PCDHA6: variants seen among roughly 807,000 people sequenced by gnomAD.
PCDHA6 encodes the protein protocadherin alpha 6, also known as protocadherin alpha-6.
Under a neutral mutation model 60.3 loss-of-function variants are expected in PCDHA6, and 55 were observed. The observed-to-expected ratio is 0.91, with a 90% CI of 0.73 to 1.14. The LOEUF is 1.14. PCDHA6 is among the 50% of genes most tolerant of loss of function. PCDHA6 has a pLI of 0.00. For missense variants in PCDHA6, 1,327 were observed against 1,256.5 expected (o/e 1.06, Z -0.85); for synonymous variants, 652 against 557.9 (o/e 1.17, Z -2.38).
Position 140,882,272 on chromosome 5 carries a change from C to G in PCDHA6, c.2394+51787C>G, listed in dbSNP as rs782377951. On this transcript the variant is annotated intron_variant, in intron 1 of 3. Transcript: ENST00000529310. ...TCTGAGGTTTTTGGAGTGTACCATG[C>G]TGTCTTCCTGGCAAGGAGGCCCAAG... The G allele has an allele frequency of 5.0e-6, 8 of 1,611,430 alleles. No individual in the cohort carries two copies. The highest frequency in any genetic ancestry group is 6.8e-6 in the Non-Finnish European group (8 of 1,178,456).
At chr5:140,916,472 G>A (rs2077581791) in intron 1 of PCDHA6, among the ~76,000 whole-genome samples, 1 of 152,192 alleles carries the variant, frequency 6.6e-6, no homozygotes, top group Non-Finnish European at 1.5e-5. Context: ...TGGTTATTTG[G>A]TGCCCAAGGG....
chr5:140,848,513 A>T, intron 1 of PCDHA6: 2 of 1,590,760 alleles, frequency 1.3e-6, no homozygotes, highest in Non-Finnish European at 1.7e-6. Context: ...ACTCAAGTCG[A>T]GGAGATCCAG....
rs2150327556 is a variant in PCDHA6, at chr5:140,842,022, A to G, written c.2394+11537A>G. On this transcript the variant is annotated intron_variant, in intron 1 of 3. Transcript: ENST00000529310. Reference sequence around the variant, plus strand: ...GTTCAGCTGCTGGTCACAGTGCTGGATGTGAATGATAATGCTCCCACTTTC... The same window carrying G: ...GTTCAGCTGCTGGTCACAGTGCTGGGTGTGAATGATAATGCTCCCACTTTC... 11 of 1,613,848 alleles carry G rather than the reference A, an allele frequency of 6.8e-6. No homozygotes were observed. The highest frequency in any genetic ancestry group is 3.3e-5 in the Admixed American group (2 of 60,004).
At chr5:140,886,555 C>T (rs1441725788) in intron 1 of PCDHA6, among the ~76,000 whole-genome samples, 3 of 151,830 alleles carry the variant, frequency 2.0e-5, no homozygotes, top group Non-Finnish European at 4.4e-5. Context: ...CAGCTGGGCA[C>T]GGTGGCTCAC....
At position 140,841,259 on chromosome 5, in the gene PCDHA6, G is replaced by T. The variant is rs1777115854; in HGVS notation, c.2394+10774G>T. 3.3e-6 allele frequency: 5 copies of T among 1,517,592 alleles called. No homozygotes were observed. In the South Asian group the frequency reaches 6.6e-5, roughly 20 times the overall value. 94.0% of individuals were successfully genotyped at this position (1,517,592 alleles called of 1,614,324 possible). ...CAGCGGAATTGGATTAAAAGACTCT[G>T]AAAGTACAGTCGTTCATCTTTATAT... On this transcript the variant is annotated intron_variant, in intron 1 of 3. Transcript: ENST00000529310.
intron 1 of PCDHA6, chr5:140,864,163 C>T (rs2048345363): frequency 6.6e-6 from 1 of 152,054 alleles, no homozygotes; most frequent in South Asian, 2.1e-4. Context: ...TTAAATCTTA[C>T]CGGAAGGATC....
chr5:140,882,046 TACTTAC>T lies in PCDHA6; in HGVS notation c.2394+51570_2394+51575del, dbSNP rs2058922100. The T allele has an allele frequency of 1.6e-5, 12 of 728,060 alleles. No homozygotes were observed. In the South Asian group the frequency reaches 2.5e-4, roughly 15 times the overall value. 45.1% of individuals were successfully genotyped at this position (728,060 alleles called of 1,614,324 possible). ...AATGGAAAATATGAAGACTGAGTCA[TACTTAC>T]ACTTACACGTTCATGCGCATGGTGT... is the stretch of plus-strand genomic sequence containing the variant. On this transcript the variant is annotated intron_variant, in intron 1 of 3. Coordinates refer to ENST00000529310, the MANE Select transcript of PCDHA6 (RefSeq NM_018909.4).
At chr5:140,900,713 G>A (rs1367112592) in intron 1 of PCDHA6, among the ~76,000 whole-genome samples, 1 of 152,194 alleles carries the variant, frequency 6.6e-6, no homozygotes, top group Non-Finnish European at 1.5e-5. Context: ...TGGAAAGAAA[G>A]GAAATCCTAC....
chr5:140,849,773 C>A (rs1554143291), intron 1 of PCDHA6: 12 of 1,598,418 alleles, frequency 7.5e-6, no homozygotes, highest in Non-Finnish European at 1.0e-5. Flanking sequence ...TGGTGGTTAC[C>A]GCGCGGGACG....
chr5:141,000,389 CTCTCTCTATATATA>C (rs1429861640), intron 3 of PCDHA6, among the ~76,000 whole-genome samples: 15 of 62,586 alleles, frequency 2.4e-4, no homozygotes, highest in African/African-American at 9.8e-4. Flanking sequence ...CTCTCTCTCT[CTCTCTCTATATATA>C]TATATATATA....
rs369670852 is a variant in PCDHA6, at chr5:140,928,571, C to G, written c.2395-50378C>G. 1.9e-5 allele frequency: 30 copies of G among 1,614,180 alleles called. 1 individual carries two copies. The African/African-American group carries it at 1.9e-4, about 10-fold the overall frequency. On this transcript the variant is annotated intron_variant, in intron 1 of 3. Transcript: ENST00000529310. ...TATCCGGTTATCTTGTTTCCCTTGC[C>G]CAGAAATGGTTCTGTCCCAGTGGAA...
At chr5:140,950,751 T>G (rs1051693960) in intron 1 of PCDHA6, among the ~76,000 whole-genome samples, 3 of 152,154 alleles carry the variant, frequency 2.0e-5, no homozygotes, top group African/African-American at 7.2e-5. Flanking sequence ...CTCTCTATCC[T>G]TTCTGGACTC....
At chr5:141,008,557 T>G (rs1394611167) in intron 3 of PCDHA6, among the ~76,000 whole-genome samples, 3 of 152,218 alleles carry the variant, frequency 2.0e-5, no homozygotes, top group African/African-American at 7.2e-5. Flanking sequence ...CTCCTGTGGA[T>G]GCATAATCAT....
At chr5:140,874,516 G>A (rs1307179066) in intron 1 of PCDHA6, among the ~76,000 whole-genome samples, 4 of 152,210 alleles carry the variant, frequency 2.6e-5, no homozygotes, top group Non-Finnish European at 5.9e-5. Context: ...CTTGACTTTA[G>A]TCAATGAGAT....
intron 1 of PCDHA6, chr5:140,859,405 G>C (rs1222698496): frequency 4.0e-6 from 1 of 250,884 alleles, no homozygotes; most frequent in African/African-American, 2.3e-5. Context: ...ACAGGGTTGG[G>C]TTAGATGATA....
Position 140,937,138 on chromosome 5 carries a change from T to C in PCDHA6, c.2395-41811T>C, listed in dbSNP as rs368450201. On this transcript the variant is annotated intron_variant, in intron 1 of 3. Coordinates refer to ENST00000529310, the MANE Select transcript of PCDHA6 (RefSeq NM_018909.4). ...CTGCAAGCTCCGCCTCCCGGGTTCA[T>C]GCCATTCTCCTGCCTCAGCCTCCCG... is the stretch of plus-strand genomic sequence containing the variant. 1.7e-4 allele frequency among the ~76,000 whole-genome samples: 25 copies of C among 151,290 alleles called. 1 individual carries two copies. In the South Asian group the frequency reaches 2.7e-3, roughly 16 times the overall value.
chr5:140,863,382 C>A, intron 1 of PCDHA6: 1 of 1,056,944 alleles, frequency 9.5e-7, no homozygotes. Context: ...TCACCGAGAG[C>A]TCGTGCATGC....
At chr5:140,985,582 C>T (rs2097158950) in intron 3 of PCDHA6, among the ~76,000 whole-genome samples, 1 of 152,116 alleles carries the variant, frequency 6.6e-6, no homozygotes, top group Admixed American at 6.5e-5. Context: ...CCTAAGCCTC[C>T]TTATACTTGC....
At chr5:140,870,483 C>G (rs782740203) in intron 1 of PCDHA6, 10 of 1,614,240 alleles carry the variant, frequency 6.2e-6, no homozygotes, top group Middle Eastern at 1.6e-4. Context: ...CCGAGTACAC[C>G]GTGTTCGTGA....
Sources: allele counts gnomAD v4.1 joint callset (sites outside exome capture counted in the v4.1 genomes callset), GRCh38; gene constraint gnomAD v4.1.1; transcripts MANE v1.5; gene names NCBI Gene and HGNC (gene_info 2026-07-23, HGNC 2026-07-21).